BLK: variants seen among roughly 807,000 people sequenced by gnomAD.
BLK encodes the protein tyrosine-protein kinase Blk.
A neutral mutation model predicts 61.8 loss-of-function variants in BLK; 64 were observed. The observed-to-expected ratio is 1.03, with a 90% CI of 0.85 to 1.27. The LOEUF (loss-of-function observed/expected upper bound fraction) is 1.27. BLK is among the 50% of genes most tolerant of loss of function. The probability of loss-of-function intolerance (pLI) is 0.00; values close to 1 mark genes in which losing one functional copy is unlikely to be tolerated. For synonymous variants in BLK, 351 were observed against 272.0 expected (o/e 1.29, Z -2.86); for missense variants, 853 against 660.5 (o/e 1.29, Z -3.19).
chr8:11,495,214 A>G (rs781312721), intron 1 of BLK, among the ~76,000 whole-genome samples: 7 of 152,240 alleles, frequency 4.6e-5, no homozygotes, highest in African/African-American at 7.2e-5. Flanking sequence ...TGTAAATTGT[A>G]AGGTTTTGAC....
At chr8:11,549,662 G>A (rs902201272) in intron 5 of BLK, among the ~76,000 whole-genome samples, 6 of 152,216 alleles carry the variant, frequency 3.9e-5, no homozygotes, top group Admixed American at 2.6e-4. Flanking sequence ...GCCCAGCAAC[G>A]AGTCTTCTCT....
At chr8:11,532,191 A>G (rs1482787244) in intron 1 of BLK, among the ~76,000 whole-genome samples, 1 of 134,798 alleles carries the variant, frequency 7.4e-6, no homozygotes, top group East Asian at 2.2e-4. Context: ...AAAAATTTTA[A>G]TATTTATTTA....
At chr8:11,502,128 A>C (rs891542337) in intron 1 of BLK, among the ~76,000 whole-genome samples, 8 of 152,234 alleles carry the variant, frequency 5.3e-5, no homozygotes, top group African/African-American at 1.9e-4. Context: ...AGACACAGTC[A>C]GTTAAAGAAC....
chr8:11,549,634 C>G (rs997448419), intron 5 of BLK, among the ~76,000 whole-genome samples: 1 of 152,246 alleles, frequency 6.6e-6, no homozygotes, highest in Non-Finnish European at 1.5e-5. Context: ...CAGGGACTAG[C>G]TCTGCCTGAG....
At chr8:11,525,106 A>G (rs1799603313) in intron 1 of BLK, among the ~76,000 whole-genome samples, 1 of 152,210 alleles carries the variant, frequency 6.6e-6, no homozygotes, top group Non-Finnish European at 1.5e-5. Flanking sequence ...CCCTCCCTGC[A>G]TGGATTGAGC....
At chr8:11,512,830 C>G (rs778029894) in intron 1 of BLK, among the ~76,000 whole-genome samples, 3 of 152,112 alleles carry the variant, frequency 2.0e-5, no homozygotes, top group Non-Finnish European at 4.4e-5. Context: ...CCATGCCCAG[C>G]TAATTATTGT....
At chr8:11,556,632 T>G in intron 8 of BLK, 26 bp from the exon 9 acceptor site, 1 of 1,613,998 alleles carries the variant, frequency 6.2e-7, no homozygotes. Context: ...GTCTTCTGAT[T>G]GGCTTCTTCA....
rs112858020 is a variant in BLK at position 11,546,765 on chromosome 8, G to C, written c.175+662G>C. Among the ~76,000 whole-genome samples the C allele has an allele frequency of 2.8e-3, 423 of 152,268 alleles. 2 individuals carry two copies. Among genetic ancestry groups the C allele is most frequent in the African/African-American group, 9.7e-3 (404 of 41,550 alleles). On this transcript the variant is annotated intron_variant, in intron 3 of 12. Transcript: ENST00000259089. ...TAATTTTTATGTTTTTACTAGTGAG[G>C]GGGTTTCACCATGTTGGCCAGATTG...
intron 11 of BLK, 73 bp downstream of exon 11, chr8:11,561,525 T>C: frequency 5.8e-6 from 9 of 1,563,738 alleles, no homozygotes; most frequent in Non-Finnish European, 7.8e-6. Context: ...CGCCTTTAAC[T>C]TCTCCCAGCA....
intron 1 of BLK, among the ~76,000 whole-genome samples, chr8:11,514,447 C>T (rs1245260033): frequency 6.6e-6 from 1 of 152,242 alleles, no homozygotes; most frequent in Non-Finnish European, 1.5e-5. Flanking sequence ...ATCTGAGGCC[C>T]AGCAGGCCAT....
chr8:11,499,070 A>T (rs530298164), intron 1 of BLK, among the ~76,000 whole-genome samples: 2 of 152,364 alleles, frequency 1.3e-5, no homozygotes, highest in East Asian at 1.9e-4. Flanking sequence ...GAACCTAGAC[A>T]CAGTCACAGG....
chr8:11,529,335 G>C (rs1799795961), intron 1 of BLK, among the ~76,000 whole-genome samples: 1 of 152,178 alleles, frequency 6.6e-6, no homozygotes, highest in South Asian at 2.1e-4. Flanking sequence ...AGAATAATTT[G>C]GTGGGTGGAG....
chr8:11,504,103 C>T (rs1402779969), intron 1 of BLK, among the ~76,000 whole-genome samples: 1 of 152,164 alleles, frequency 6.6e-6, no homozygotes, highest in Non-Finnish European at 1.5e-5. Flanking sequence ...GCAGGCGGAT[C>T]ACTTGAGGTC....
intron 1 of BLK, among the ~76,000 whole-genome samples, chr8:11,506,001 G>T (rs1039540478): frequency 6.6e-6 from 1 of 152,152 alleles, no homozygotes; most frequent in Admixed American, 6.5e-5. Context: ...TCCTGTCCCC[G>T]CCAGGCATGA....
At chr8:11,556,200 G>A (rs914789483) in intron 8 of BLK, 3 of 272,010 alleles carry the variant, frequency 1.1e-5, no homozygotes, top group South Asian at 4.4e-5. Context: ...AGAGTGTGGA[G>A]ATACAGATAG....
intron 4 of BLK, among the ~76,000 whole-genome samples, 200 bp downstream of exon 4, chr8:11,548,325 TC>T (rs1156281248): frequency 6.6e-6 from 1 of 152,206 alleles, no homozygotes; most frequent in Non-Finnish European, 1.5e-5. Flanking sequence ...TAATTTCCAT[TC>T]ACAACCTCCT....
At chr8:11,535,742 T>C (rs1051573121) in intron 1 of BLK, among the ~76,000 whole-genome samples, 6 of 152,218 alleles carry the variant, frequency 3.9e-5, no homozygotes, top group Non-Finnish European at 5.9e-5. Context: ...GTGAGCCTCC[T>C]GGTAGGATGC....
intron 2 of BLK, among the ~76,000 whole-genome samples, chr8:11,545,271 G>T: frequency 6.6e-6 from 1 of 152,166 alleles, no homozygotes; most frequent in Admixed American, 6.5e-5. Context: ...TGTATCGGTC[G>T]GGCATGATGG....
intron 7 of BLK, among the ~76,000 whole-genome samples, 156 bp downstream of exon 7, chr8:11,555,045 G>A (rs1287580421): frequency 1.3e-5 from 2 of 152,190 alleles, no homozygotes; most frequent in Non-Finnish European, 2.9e-5. Flanking sequence ...TGAGCACCGG[G>A]AATTGGTGGC....
Sources: gnomAD v4.1 joint callset for allele counts (sites outside exome capture counted in the v4.1 genomes callset) on GRCh38, gnomAD v4.1.1 for gene constraint, MANE v1.5 for transcripts, NCBI Gene and HGNC (gene_info 2026-07-23, HGNC 2026-07-21) for gene names.